Variants in BTBD9 observed in about 807,000 individuals in gnomAD.
The protein encoded by BTBD9 is BTB domain containing 9, also known as BTB/POZ domain-containing protein 9.
Under a neutral mutation model 64.3 loss-of-function variants are expected in BTBD9, and 49 were observed. That is an observed-to-expected ratio of 0.76 (90% CI 0.61 to 0.97). BTBD9 has a LOEUF of 0.97. BTBD9 is among the 50% of genes least tolerant of loss of function. The pLI, the probability that BTBD9 is intolerant of heterozygous loss-of-function variation, is 0.00. For missense variants in BTBD9, 598 were observed against 762.1 expected (o/e 0.78, Z 2.53); for synonymous variants, 260 against 274.7 (o/e 0.95, Z 0.53).
chr6:38,417,014 G>A (rs376182685), intron 6 of BTBD9, among the ~76,000 whole-genome samples: 3 of 152,112 alleles, frequency 2.0e-5, no homozygotes, highest in Middle Eastern at 3.4e-3. Flanking sequence ...ACAGCTCACC[G>A]TAACCTTGTC....
At chr6:38,439,512 T>C (rs111776160) in intron 6 of BTBD9, among the ~76,000 whole-genome samples, 9,078 of 151,378 alleles carry the variant, frequency 0.06, 371 homozygotes, top group Middle Eastern at 0.1. Context: ...CTGCAACCTC[T>C]GCCTCCCGGG....
In BTBD9 at chr6:38,290,659, T is replaced by A. The variant is rs1761919309; in HGVS notation, c.1265-2198A>T. On this transcript the variant is annotated intron_variant, in intron 7 of 10. Transcript: ENST00000481247. ...TGTGCTTCCCCAATCACAGCCGCAGTGGGAAGAGAGTAAGCTGGGCACAGG... is the reference window on the plus strand; with the variant it reads ...TGTGCTTCCCCAATCACAGCCGCAGAGGGAAGAGAGTAAGCTGGGCACAGG... 3.3e-5 allele frequency among the ~76,000 whole-genome samples: 5 copies of A among 152,292 alleles called. No homozygotes were observed. The South Asian group carries it at 1.0e-3, about 32-fold the overall frequency.
intron 6 of BTBD9, among the ~76,000 whole-genome samples, chr6:38,353,099 G>C (rs774806308): frequency 2.6e-5 from 4 of 152,192 alleles, no homozygotes; most frequent in Admixed American, 6.5e-5. Context: ...TAAAAGAAGA[G>C]TCAAACGGGA....
chr6:38,514,334 A>C (rs1445993791), intron 6 of BTBD9, among the ~76,000 whole-genome samples: 1 of 152,196 alleles, frequency 6.6e-6, no homozygotes, highest in Admixed American at 6.5e-5. Context: ...TTAATTGTAA[A>C]CTTATTTTTT....
chr6:38,262,421 T>C (rs1764824121), intron 8 of BTBD9, among the ~76,000 whole-genome samples: 1 of 152,126 alleles, frequency 6.6e-6, no homozygotes, highest in Admixed American at 6.5e-5. Flanking sequence ...CTCCTCCATC[T>C]TCCCTTATTC....
intron 6 of BTBD9, among the ~76,000 whole-genome samples, chr6:38,556,962 G>A (rs141550988): frequency 0.012 from 1,515 of 128,666 alleles, 29 homozygotes; most frequent in Admixed American, 0.05. Flanking sequence ...GCAGTGACCC[G>A]AGATCGGGCC....
chr6:38,336,479 G>A (rs1763897312), intron 7 of BTBD9, among the ~76,000 whole-genome samples: 2 of 152,168 alleles, frequency 1.3e-5, no homozygotes, highest in South Asian at 2.1e-4. Context: ...CAGAAGGAGG[G>A]AGAAGTGCCG....
At chr6:38,490,781 A>T (rs1176555404) in intron 6 of BTBD9, among the ~76,000 whole-genome samples, 4 of 152,230 alleles carry the variant, frequency 2.6e-5, no homozygotes, top group Non-Finnish European at 5.9e-5. Context: ...GACAGGAGAA[A>T]ACTTGCAGCC....
intron 6 of BTBD9, among the ~76,000 whole-genome samples, chr6:38,554,366 TTTCCAATAAAA>T (rs1774931637): frequency 6.6e-6 from 1 of 152,188 alleles, no homozygotes; most frequent in Non-Finnish European, 1.5e-5. Flanking sequence ...GGAATGAACT[TTTCCAATAAAA>T]GAAAAATAAA....
intron 8 of BTBD9, among the ~76,000 whole-genome samples, chr6:38,257,063 CT>C (rs745545678): frequency 0.025 from 2,838 of 111,364 alleles, 84 homozygotes; most frequent in Admixed American, 0.095. Context: ...TTGCACACTT[CT>C]TTTTTTTTTT....
chr6:38,257,106 G>A (rs1414062058), intron 8 of BTBD9, among the ~76,000 whole-genome samples: 1 of 128,836 alleles, frequency 7.8e-6, no homozygotes, highest in Non-Finnish European at 1.6e-5. Context: ...GTCTCACTAT[G>A]TTGCCCAGGC....
intron 3 of BTBD9, among the ~76,000 whole-genome samples, chr6:38,593,348 T>C (rs897355751): frequency 6.6e-6 from 1 of 152,158 alleles, no homozygotes; most frequent in Non-Finnish European, 1.5e-5. Context: ...TGAAATAGGA[T>C]AACACAGATC....
Position 38,194,143 on chromosome 6 carries a change from A to G in BTBD9, c.1563-1546T>C, listed in dbSNP as rs531633915. On this transcript the variant is annotated intron_variant, in intron 9 of 10. Coordinates refer to ENST00000481247, the MANE Select transcript of BTBD9 (RefSeq NM_001099272.2). ...GAGTTTGCTAGATGGGATGCAGCCC[A>G]TGGGCCGGCAGGGGAGCCTGCAAGG... Among the ~76,000 whole-genome samples, 3 of 152,242 alleles carry G rather than the reference A, an allele frequency of 2.0e-5. No homozygotes were observed. In the South Asian group the frequency reaches 6.2e-4, roughly 32 times the overall value.
At chr6:38,366,750 T>C (rs1765198377) in intron 6 of BTBD9, among the ~76,000 whole-genome samples, 1 of 152,194 alleles carries the variant, frequency 6.6e-6, no homozygotes, top group African/African-American at 2.4e-5. Context: ...ATAGGGACTT[T>C]TTGGAAGAAT....
At chr6:38,236,184 G>C (rs1422965085) in intron 9 of BTBD9, among the ~76,000 whole-genome samples, 1 of 152,176 alleles carries the variant, frequency 6.6e-6, no homozygotes, top group Non-Finnish European at 1.5e-5. Context: ...CCCTCTTTTA[G>C]ATGCGTTTCT....
chr6:38,280,228 C>A (rs536986965), intron 8 of BTBD9, among the ~76,000 whole-genome samples: 1 of 152,344 alleles, frequency 6.6e-6, no homozygotes, highest in South Asian at 2.1e-4. Flanking sequence ...TATGCATTCA[C>A]ACAGTTCAGA....
chr6:38,416,080 T>C (rs1767651616), intron 6 of BTBD9, among the ~76,000 whole-genome samples: 1 of 152,106 alleles, frequency 6.6e-6, no homozygotes, highest in Non-Finnish European at 1.5e-5. Context: ...CTTAACAGAA[T>C]TCCATAGTAC....
At chr6:38,386,318 T>C (rs1298937037) in intron 6 of BTBD9, among the ~76,000 whole-genome samples, 2 of 152,032 alleles carry the variant, frequency 1.3e-5, no homozygotes, top group Non-Finnish European at 2.9e-5. Context: ...AAGTAATATA[T>C]AACAGCATCC....
chr6:38,335,251 T>TA (rs1386159657), intron 7 of BTBD9, among the ~76,000 whole-genome samples: 1 of 141,974 alleles, frequency 7.0e-6, no homozygotes, highest in East Asian at 2.8e-4. Context: ...ATTTTAATTT[T>TA]AAATTTTTTT....
Sources: allele counts gnomAD v4.1 joint callset (sites outside exome capture counted in the v4.1 genomes callset), GRCh38; gene constraint gnomAD v4.1.1; transcripts MANE v1.5; gene names NCBI Gene and HGNC (gene_info 2026-07-23, HGNC 2026-07-21).